The following PTAFR variants were observed in gnomAD, a reference collection of about 807,000 sequenced individuals.
The protein encoded by PTAFR is platelet-activating factor receptor.
A neutral mutation model predicts 14.7 loss-of-function variants in PTAFR; 8 were observed. That is an observed-to-expected ratio of 0.54 (90% CI 0.32 to 0.98). The LOEUF is 0.98. Among genes scored for constraint, PTAFR ranks in the 50% least tolerant of loss-of-function variants. PTAFR has a pLI of 0.04. For missense variants in PTAFR, 337 were observed against 451.2 expected (o/e 0.75, Z 2.29); for synonymous variants, 156 against 176.5 (o/e 0.88, Z 0.92).
In PTAFR at chr1:28,150,343, T is replaced by G; in HGVS notation, c.679A>C (p.Lys227Gln). 1 of 1,614,038 alleles carries G rather than the reference T, an allele frequency of 6.2e-7. No individual in the cohort carries two copies. Among genetic ancestry groups the G allele is most frequent in the Non-Finnish European group, 8.5e-7 (1 of 1,179,972 alleles). ...CACACCATCCACAGCGCCCGGCGCT[T>G]GACTTCAGCGTTGCGCTGCTGCTGC... ...PVQQQRNAEV[K>Q]RRALWMVCTV... Residue 227 changes from lysine (K) to glutamine (Q), a missense_variant, in exon 2 of 2, where the codon AAG becomes CAG. Coordinates refer to ENST00000373857, the MANE Select transcript of PTAFR (RefSeq NM_000952.5). The surrounding 1 kb of genome is among the most constrained non-coding windows in gnomAD (Gnocchi z 6.3).
intron 1 of PTAFR, among the ~76,000 whole-genome samples, chr1:28,184,117 G>T (rs1646586631): frequency 8.0e-6 from 1 of 125,530 alleles, no homozygotes; most frequent in African/African-American, 3.1e-5. Context: ...TTTTGAGCTG[G>T]AGTCTCATTC....
At chr1:28,163,642 A>G (rs1396217261) in intron 1 of PTAFR, among the ~76,000 whole-genome samples, 1 of 152,118 alleles carries the variant, frequency 6.6e-6, no homozygotes, top group East Asian at 1.9e-4. Flanking sequence ...AATCCTAACA[A>G]TGGTTTCAAA....
At chr1:28,175,678 G>A (rs1470864725) in intron 1 of PTAFR, among the ~76,000 whole-genome samples, 1 of 151,934 alleles carries the variant, frequency 6.6e-6, no homozygotes, top group Non-Finnish European at 1.5e-5. Context: ...TATTGTTTGT[G>A]GGCTTGGCCC....
intron 1 of PTAFR, among the ~76,000 whole-genome samples, chr1:28,173,889 C>T (rs557842432): frequency 1.1e-3 from 162 of 152,262 alleles, no homozygotes; most frequent in Non-Finnish European, 1.8e-3. Flanking sequence ...TGATTCCCCT[C>T]GGCCAAAGAC....
chr1:28,165,989 G>A (rs975790755), intron 1 of PTAFR, among the ~76,000 whole-genome samples: 1 of 152,036 alleles, frequency 6.6e-6, no homozygotes, highest in Non-Finnish European at 1.5e-5. Flanking sequence ...AACCTCAAAG[G>A]ACAACAAATA....
At chr1:28,174,502 T>G (rs1646491004) in intron 1 of PTAFR, among the ~76,000 whole-genome samples, 1 of 152,208 alleles carries the variant, frequency 6.6e-6, no homozygotes, top group Non-Finnish European at 1.5e-5. Context: ...ATTTTGTCAC[T>G]GATAGCATAA....
chr1:28,150,045 G>A lies in PTAFR; in HGVS notation c.977C>T (p.Thr326Ile), dbSNP rs754232798. Reference sequence around the variant, plus strand: ...CTGGTTGAATGGCACAACCACTTCAGTGACCGTATCCGTGGTGGCCCGGGA... The same window carrying A: ...CTGGTTGAATGGCACAACCACTTCAATGACCGTATCCGTGGTGGCCCGGGA... ...KCSRATTDTV[T>I]EVVVPFNQIP... Residue 326 changes from threonine to isoleucine, a missense_variant, in exon 2 of 2, where the codon ACT (threonine) becomes ATT (isoleucine). Transcript: ENST00000373857. This position sits in a 1 kb window ranked among gnomAD's most constrained non-coding sequence, Gnocchi z 6.3. 1.2e-6 allele frequency: 2 copies of A among 1,614,210 alleles called. No individual in the cohort carries two copies. Among genetic ancestry groups the A allele is most frequent in the East Asian group, 2.2e-5 (1 of 44,890 alleles).
intron 1 of PTAFR, among the ~76,000 whole-genome samples, chr1:28,153,268 A>C (rs887953236): frequency 6.6e-6 from 1 of 152,166 alleles, no homozygotes; most frequent in African/African-American, 2.4e-5. Context: ...AAAACAAAAC[A>C]GTTGCTCCCT....
chr1:28,152,712 C>T (rs1646208671), intron 1 of PTAFR, among the ~76,000 whole-genome samples: 1 of 151,996 alleles, frequency 6.6e-6, no homozygotes, highest in African/African-American at 2.4e-5. Context: ...CACTGCACCC[C>T]AGTCTGGGCA....
intron 1 of PTAFR, among the ~76,000 whole-genome samples, chr1:28,182,659 C>A (rs139691752): frequency 3.9e-4 from 59 of 151,886 alleles, no homozygotes; most frequent in African/African-American, 1.4e-3. Context: ...ATCCATTATA[C>A]CTTTAAATGT....
intron 1 of PTAFR, among the ~76,000 whole-genome samples, chr1:28,174,210 G>A (rs994584233): frequency 2.0e-5 from 3 of 152,044 alleles, no homozygotes; most frequent in African/African-American, 7.2e-5. Flanking sequence ...CTCTGCTCCC[G>A]ACCCAGACAC....
Position 28,149,788 on chromosome 1 carries a change from A to G in PTAFR, c.*205T>C, listed in dbSNP as rs1180275554. ...CACAGTTACTGTAGTATGCGCCCAC[A>G]GGCGGATGAAGGGGCTCATTTGAGT... is the stretch of plus-strand genomic sequence containing the variant. On this transcript the variant is annotated 3_prime_UTR_variant, in exon 2 of 2. Transcript: ENST00000373857. The G allele has an allele frequency of 3.3e-6, 2 of 614,358 alleles. No homozygotes were observed. The highest frequency in any genetic ancestry group is 2.8e-6 in the Non-Finnish European group (1 of 358,740). 38.1% of individuals were successfully genotyped at this position (614,358 alleles called of 1,614,324 possible).
intron 1 of PTAFR, among the ~76,000 whole-genome samples, chr1:28,153,867 G>T (rs1646226815): frequency 6.6e-6 from 1 of 151,310 alleles, no homozygotes; most frequent in Non-Finnish European, 1.5e-5. Context: ...CAGACTGGGA[G>T]ACAGATTGAG....
At chr1:28,178,078 A>G (rs1271580090), upstream of PTAFR, among the ~76,000 whole-genome samples, 1 of 152,016 alleles carries the variant, frequency 6.6e-6, no homozygotes, top group Non-Finnish European at 1.5e-5. Context: ...CTACACAGAG[A>G]GGGAAACTGA....
chr1:28,163,792 C>T (rs1646352575), intron 1 of PTAFR, among the ~76,000 whole-genome samples: 1 of 152,222 alleles, frequency 6.6e-6, no homozygotes, highest in Non-Finnish European at 1.5e-5. Context: ...TACACACTGG[C>T]TTTCCTGCCA....
At chr1:28,159,144 G>A (rs953270055) in intron 1 of PTAFR, among the ~76,000 whole-genome samples, 2 of 152,150 alleles carry the variant, frequency 1.3e-5, no homozygotes, top group African/African-American at 2.4e-5. Flanking sequence ...AACAGCATGA[G>A]GGCAGGGAGG....
rs528698223 is a variant in PTAFR at position 28,154,198 on chromosome 1, G to A, written c.-38-3139C>T. ...CTTCCACGTGTACTACCTCATTTGA[G>A]TCTCACACAAACACTTTGCCATAGG... is the stretch of plus-strand genomic sequence containing the variant. On this transcript the variant is annotated intron_variant, in intron 1 of 1. Transcript: ENST00000373857. Among the ~76,000 whole-genome samples, 5 of 151,854 alleles carry A rather than the reference G, an allele frequency of 3.3e-5. No homozygotes were observed. The South Asian group carries it at 1.0e-3, about 32-fold the overall frequency.
At chr1:28,154,578 A>T (rs1169565524) in intron 1 of PTAFR, among the ~76,000 whole-genome samples, 1 of 152,172 alleles carries the variant, frequency 6.6e-6, no homozygotes, top group East Asian at 1.9e-4. Flanking sequence ...TTGGGATGCC[A>T]AGGTGGGTGG....
At chr1:28,192,051 T>A (rs1646658163) in intron 1 of PTAFR, among the ~76,000 whole-genome samples, 1 of 151,132 alleles carries the variant, frequency 6.6e-6, no homozygotes. Flanking sequence ...CCAACCTGGA[T>A]GACAGAGTGA....
Sources: gnomAD v4.1 joint callset for allele counts (sites outside exome capture counted in the v4.1 genomes callset) on GRCh38, gnomAD v4.1.1 for gene constraint, Gnocchi (gnomAD v3.1) non-coding constraint, MANE v1.5 for transcripts, NCBI Gene and HGNC (gene_info 2026-07-23, HGNC 2026-07-21) for gene names.